RNPC3: variants seen among roughly 807,000 people sequenced by gnomAD.
RNPC3 encodes RNA-binding region-containing protein 3.
Under a neutral mutation model 67.5 loss-of-function variants are expected in RNPC3, and 48 were observed. The observed-to-expected ratio is 0.71, with a 90% CI of 0.56 to 0.90. The LOEUF (loss-of-function observed/expected upper bound fraction) is 0.90, where lower values mean the gene tolerates loss of function less well. Ranked by LOEUF, RNPC3 falls within the 40% of genes least tolerant of loss-of-function variation. The probability of loss-of-function intolerance (pLI) is 0.00; values close to 1 mark genes in which losing one functional copy is unlikely to be tolerated. For missense variants in RNPC3, 637 were observed against 626.1 expected, an observed-to-expected ratio of 1.02 and a Z score of -0.19; for synonymous variants, 239 against 210.3, an observed-to-expected ratio of 1.14 and a Z score of -1.18.
At chr1:103,527,635 A>G in intron 1 of RNPC3, 60 bp from the exon 2 acceptor site, 1 of 1,324,770 alleles carries the variant, frequency 7.5e-7, no homozygotes, top group Non-Finnish European at 1.1e-6. Flanking sequence ...AAAAAGTCAG[A>G]TTTCTTTGTG....
rs1394372281 is a variant in RNPC3, at chr1:103,545,065, T to C, written c.1170T>C (p.Ser390=). The C allele has an allele frequency of 2.0e-6, 3 of 1,533,622 alleles. No homozygotes were observed. The African/African-American group carries it at 4.1e-5, about 21-fold the overall frequency. The change falls in exon 10 of 15, where the codon TCT becomes TCC. Residue 390 remains serine (S), a synonymous_variant. Coordinates refer to ENST00000423855, the MANE Select transcript of RNPC3 (RefSeq NM_017619.4). ...DSDEMPSECI[S]RRELEKGRIS... is the part of the protein sequence containing the mutation. ...ATGAAATGCCTTCAGAATGTATTTC[T>C]AGAAGGGAATTGGAAAAGGGCAGAA...
chr1:103,549,109 T>G (rs1176248027), intron 12 of RNPC3, among the ~76,000 whole-genome samples: 3 of 152,116 alleles, frequency 2.0e-5, no homozygotes. Context: ...CAAATGAGAT[T>G]TGGGGACACA....
chr1:103,529,984 C>A (rs1432211052), intron 2 of RNPC3, among the ~76,000 whole-genome samples: 1 of 151,936 alleles, frequency 6.6e-6, no homozygotes, highest in African/African-American at 2.4e-5. Context: ...ATCTAGGTTG[C>A]GCTCTCAATG....
rs1010093130 is a variant in RNPC3 at position 103,526,130 on chromosome 1, T to C, written c.60T>C (p.Leu20=). The C allele has an allele frequency of 8.4e-6, 13 of 1,551,106 alleles. No homozygotes were observed. Among genetic ancestry groups the C allele is most frequent in the Middle Eastern group, 1.7e-4 (1 of 6,010 alleles). ...GGGGATGCACGAGCTCCTCCTCGCTTTCCCCGCCTCGGGGCGACCGAACCC... is the reference window on the plus strand; with the variant it reads ...GGGGATGCACGAGCTCCTCCTCGCTCTCCCCGCCTCGGGGCGACCGAACCC... ...ISRGCTSSSS[L]SPPRGDRTLL... Residue 20 remains leucine, a synonymous_variant, in exon 1 of 15, where the codon CTT becomes CTC. Transcript: ENST00000423855.
chr1:103,537,250 T>G, intron 6 of RNPC3, 92 bp from the exon 7 acceptor site: 7 of 847,360 alleles, frequency 8.3e-6, no homozygotes, highest in Non-Finnish European at 1.2e-5. Flanking sequence ...AAAAAGACCA[T>G]GTGATAGAAA....
In RNPC3 at chr1:103,526,267, G is replaced by A; in HGVS notation, c.192+5G>A. On this transcript the variant is annotated splice_donor_5th_base_variant and intron_variant, in intron 1 of 14. Coordinates refer to ENST00000423855, the MANE Select transcript of RNPC3 (RefSeq NM_017619.4). ...CTGTCAGATAAGGGGCGACTGGTAA[G>A]GGCGCGCCCCTCCGGAGTCTCCCGG... is the stretch of plus-strand genomic sequence containing the variant. The A allele has an allele frequency of 6.5e-7, 1 of 1,528,742 alleles. No individual in the cohort carries two copies. Among genetic ancestry groups the A allele is most frequent in the African/African-American group, 1.4e-5 (1 of 72,540 alleles). 94.7% of individuals were successfully genotyped at this position (1,528,742 alleles called of 1,614,324 possible).
Position 103,536,115 on chromosome 1 carries a change from AC to A in RNPC3, c.556-9del. ...TTTTATATGTGAATTTAAATGTCTT[AC>A]CACTTTAAGGTCCTTCATCTTATGA... On this transcript the variant is annotated splice_polypyrimidine_tract_variant and intron_variant, in intron 5 of 14. Coordinates refer to ENST00000423855, the MANE Select transcript of RNPC3 (RefSeq NM_017619.4). 1 of 1,525,456 alleles carries A rather than the reference AC, an allele frequency of 6.6e-7. No homozygotes were observed. The highest frequency in any genetic ancestry group is 8.8e-7 in the Non-Finnish European group (1 of 1,136,664). The allele number at this position is 1,525,456 out of a possible 1,614,324, so 94.5% of individuals were successfully genotyped here.
At chr1:103,549,083 T>G (rs1315008409) in intron 12 of RNPC3, among the ~76,000 whole-genome samples, 1 of 152,176 alleles carries the variant, frequency 6.6e-6, no homozygotes, top group Non-Finnish European at 1.5e-5. Flanking sequence ...ACATGGGAAT[T>G]GTAGGAGTTA....
chr1:103,528,262 G>C (rs1256923542), intron 2 of RNPC3, among the ~76,000 whole-genome samples: 1 of 152,136 alleles, frequency 6.6e-6, no homozygotes, highest in Non-Finnish European at 1.5e-5. Flanking sequence ...CTGGGAGAGA[G>C]GTATTGAGTT....
At chr1:103,544,343 A>G (rs1651195268) in intron 9 of RNPC3, among the ~76,000 whole-genome samples, 2 of 151,960 alleles carry the variant, frequency 1.3e-5, no homozygotes. Flanking sequence ...GAAGTTTGCC[A>G]TGGTCTCTTT....
At chr1:103,533,669 A>G (rs1326588689) in intron 2 of RNPC3, 70 bp from the exon 3 acceptor site, 4 of 811,576 alleles carry the variant, frequency 4.9e-6, no homozygotes, top group Non-Finnish European at 7.8e-6. Flanking sequence ...AAAAAAGTAT[A>G]AAAATTGGTC....
chr1:103,529,273 AAAG>A (rs1650784660), intron 2 of RNPC3, among the ~76,000 whole-genome samples: 1 of 152,182 alleles, frequency 6.6e-6, no homozygotes, highest in Admixed American at 6.5e-5. Flanking sequence ...TTTCAGAAAA[AAAG>A]TATTTTTAAA....
chr1:103,533,773 G>A lies in RNPC3; in HGVS notation c.275G>A (p.Gly92Asp). 6.5e-7 allele frequency: 1 copy of A among 1,533,476 alleles called. No homozygotes were observed. The highest frequency in any genetic ancestry group is 8.7e-7 in the Non-Finnish European group (1 of 1,144,692). The allele number at this position is 1,533,476 out of a possible 1,614,324, so 95.0% of individuals were successfully genotyped here. Residue 92 changes from glycine to aspartate, a missense_variant, in exon 3 of 15, where the codon GGT becomes GAT. Physicochemically the swap from Gly to Asp is moderately conservative, Grantham distance 94. Transcript: ENST00000423855. ...AGACTCCATCAACTGAAACTTTTAG[G>A]TCATACTTTAGTCGTTGAATTTGCA... ...LTRLHQLKLLGHTLVVEFAKE... is the reference protein window; with the variant it reads ...LTRLHQLKLLDHTLVVEFAKE...
intron 2 of RNPC3, among the ~76,000 whole-genome samples, chr1:103,532,644 C>T (rs1280176266): frequency 1.3e-5 from 2 of 151,890 alleles, no homozygotes; most frequent in South Asian, 2.1e-4. Flanking sequence ...TGAGAGAAGG[C>T]ACAAGTCAAA....
intron 2 of RNPC3, among the ~76,000 whole-genome samples, chr1:103,528,022 G>C (rs996083859): frequency 6.6e-6 from 1 of 152,224 alleles, no homozygotes; most frequent in Non-Finnish European, 1.5e-5. Flanking sequence ...GATGTTTCAA[G>C]TGTTAAAAGG....
chr1:103,547,773 T>A (rs902690539), intron 12 of RNPC3, among the ~76,000 whole-genome samples: 1 of 152,152 alleles, frequency 6.6e-6, no homozygotes, highest in African/African-American at 2.4e-5. Context: ...GTTAGTCTGT[T>A]TTCACACTGC....
rs765105789 is a variant in RNPC3 at position 103,535,408 on chromosome 1, T to C, written c.522T>C (p.Asn174=). 25 of 1,535,606 alleles carry C rather than the reference T, an allele frequency of 1.6e-5. No homozygotes were observed. In the South Asian group the frequency reaches 2.7e-4, roughly 17 times the overall value. Residue 174 remains asparagine, a synonymous_variant, in exon 5 of 15, where the codon AAT becomes AAC. Transcript: ENST00000423855. ...GCACAATCCTAGCAAACATTGTAAA[T>C]GCCTTGGCAAGCGTGCCTAAGTTCT... ...PSSTILANIV[N]ALASVPKFYV...
intron 14 of RNPC3, chr1:103,553,919 T>G (rs1206898360): frequency 1.3e-5 from 2 of 152,296 alleles, no homozygotes; most frequent in East Asian, 3.9e-4. Context: ...GAACACATAA[T>G]GCCCACTAAG....
At chr1:103,532,948 C>G (rs1240371315) in intron 2 of RNPC3, among the ~76,000 whole-genome samples, 1 of 151,874 alleles carries the variant, frequency 6.6e-6, no homozygotes, top group Non-Finnish European at 1.5e-5. Flanking sequence ...TACTGCAAAA[C>G]TAATAATACA....
Sources: allele counts gnomAD v4.1 joint callset (sites outside exome capture counted in the v4.1 genomes callset), GRCh38; gene constraint gnomAD v4.1.1; transcripts MANE v1.5; gene names NCBI Gene and HGNC (gene_info 2026-07-23, HGNC 2026-07-21).